Variants in LRRC4C observed in about 807,000 individuals in gnomAD.
The protein encoded by LRRC4C is leucine-rich repeat-containing protein 4C.
A neutral mutation model predicts 33.6 loss-of-function variants in LRRC4C; 5 were observed. The ratio of observed to expected loss-of-function variants is 0.15; its 90% CI spans 0.08 to 0.31. LRRC4C has a LOEUF of 0.31. Ranked by LOEUF, LRRC4C falls within the 10% of genes least tolerant of loss-of-function variation. LRRC4C has a pLI of 1.00. For missense variants in LRRC4C, 560 were observed against 796.7 expected, an observed-to-expected ratio of 0.70 and a Z score of 3.58; for synonymous variants, 329 against 302.0, an observed-to-expected ratio of 1.09 and a Z score of -0.93.
chr11:40,301,171 TTAAAG>T (rs760464601), intron 4 of LRRC4C, among the ~76,000 whole-genome samples: 1 of 152,212 alleles, frequency 6.6e-6, no homozygotes, highest in Non-Finnish European at 1.5e-5. Flanking sequence ...GAGGAGTGAC[TTAAAG>T]TAATAAGAAG....
chr11:40,872,277 T>C (rs1954687990), intron 2 of LRRC4C, among the ~76,000 whole-genome samples: 1 of 150,688 alleles, frequency 6.6e-6, no homozygotes, highest in Admixed American at 6.6e-5. Flanking sequence ...GCTCTCAAAA[T>C]AGTCCTGGCT....
intron 2 of LRRC4C, among the ~76,000 whole-genome samples, chr11:40,824,854 A>G (rs562892657): frequency 6.6e-6 from 1 of 152,092 alleles, no homozygotes; most frequent in South Asian, 2.1e-4. Flanking sequence ...GAGAACAAGT[A>G]AAGATAATTA....
chr11:41,141,154 G>A (rs980168088), intron 1 of LRRC4C, among the ~76,000 whole-genome samples: 1 of 152,070 alleles, frequency 6.6e-6, no homozygotes, highest in Admixed American at 6.5e-5. Flanking sequence ...TTATATAAAT[G>A]TTGATTGAGA....
At chr11:40,754,792 T>G (rs544979764) in intron 2 of LRRC4C, among the ~76,000 whole-genome samples, 1 of 152,266 alleles carries the variant, frequency 6.6e-6, no homozygotes, top group African/African-American at 2.4e-5. Flanking sequence ...AGTTAGCTAA[T>G]GGTTTATCAT....
intron 1 of LRRC4C, among the ~76,000 whole-genome samples, chr11:41,040,887 T>C (rs1184483205): frequency 1.3e-5 from 2 of 152,212 alleles, no homozygotes; most frequent in African/African-American, 4.8e-5. Flanking sequence ...AGTTTAAGAC[T>C]TTTTTGTTTG....
intron 2 of LRRC4C, among the ~76,000 whole-genome samples, chr11:40,698,900 CT>C (rs1210846465): frequency 6.6e-6 from 1 of 152,142 alleles, no homozygotes; most frequent in Non-Finnish European, 1.5e-5. Flanking sequence ...GAAACCGCCC[CT>C]ATGACTCAAT....
At chr11:40,132,927 A>G (rs1431516062) in intron 6 of LRRC4C, among the ~76,000 whole-genome samples, 1 of 152,244 alleles carries the variant, frequency 6.6e-6, no homozygotes, top group Non-Finnish European at 1.5e-5. Flanking sequence ...TAATCAAAAT[A>G]TGTAGAAAAT....
At chr11:40,798,946 A>C (rs1405078153) in intron 2 of LRRC4C, among the ~76,000 whole-genome samples, 2 of 152,116 alleles carry the variant, frequency 1.3e-5, no homozygotes, top group Non-Finnish European at 2.9e-5. Context: ...GCTCTGCTGT[A>C]TTATAAGTTT....
chr11:40,506,056 T>C (rs1955019751), intron 3 of LRRC4C, among the ~76,000 whole-genome samples: 1 of 152,176 alleles, frequency 6.6e-6, no homozygotes, highest in African/African-American at 2.4e-5. Context: ...AACTTTCAGA[T>C]CTTAAACTAC....
chr11:41,221,373 AT>A (rs1242682387), intron 1 of LRRC4C, among the ~76,000 whole-genome samples: 5 of 152,190 alleles, frequency 3.3e-5, no homozygotes, highest in African/African-American at 1.2e-4. Flanking sequence ...ACCAGTCAGA[AT>A]GGCTATTATT....
intron 2 of LRRC4C, among the ~76,000 whole-genome samples, chr11:40,841,261 G>C (rs1377033117): frequency 6.6e-6 from 1 of 152,168 alleles, no homozygotes; most frequent in Admixed American, 6.5e-5. Flanking sequence ...TCATGGTTCA[G>C]TTTATGTAGT....
chr11:40,739,656 G>A (rs184371150), intron 2 of LRRC4C, among the ~76,000 whole-genome samples: 244 of 152,120 alleles, frequency 1.6e-3, no homozygotes, highest in Middle Eastern at 0.01. Context: ...CCCCCATGCT[G>A]TTCTTGTGAT....
intron 2 of LRRC4C, among the ~76,000 whole-genome samples, chr11:40,821,637 G>A (rs1951933103): frequency 6.6e-6 from 1 of 151,164 alleles, no homozygotes; most frequent in African/African-American, 2.4e-5. Flanking sequence ...CATTACCATG[G>A]AATGTTTGTA....
intron 3 of LRRC4C, among the ~76,000 whole-genome samples, chr11:40,326,289 C>T (rs529634409): frequency 2.0e-4 from 30 of 152,208 alleles, no homozygotes; most frequent in Admixed American, 1.1e-3. Context: ...TCTGGCCAGG[C>T]GCAGTGGCTC....
intron 2 of LRRC4C, among the ~76,000 whole-genome samples, chr11:40,887,479 T>G (rs918530361): frequency 6.6e-6 from 1 of 152,000 alleles, no homozygotes; most frequent in Non-Finnish European, 1.5e-5. Flanking sequence ...TAAATTCCAG[T>G]TTATGGGAAA....
chr11:41,206,437 C>T (rs1946605014), intron 1 of LRRC4C, among the ~76,000 whole-genome samples: 2 of 151,994 alleles, frequency 1.3e-5, no homozygotes, highest in East Asian at 1.9e-4. Context: ...CTACAAAAAG[C>T]CTCCTTCATT....
intron 1 of LRRC4C, among the ~76,000 whole-genome samples, chr11:41,233,536 A>G (rs1223040470): frequency 2.0e-5 from 3 of 152,180 alleles, no homozygotes; most frequent in East Asian, 1.9e-4. Context: ...ACTGCATCAC[A>G]TAAAAACGCC....
chr11:40,872,245 T>G (rs1954686323), intron 2 of LRRC4C, among the ~76,000 whole-genome samples: 1 of 151,878 alleles, frequency 6.6e-6, no homozygotes, highest in African/African-American at 2.4e-5. Flanking sequence ...ACTCTGATAT[T>G]GGAGATCCAG....
intron 2 of LRRC4C, among the ~76,000 whole-genome samples, chr11:40,740,807 G>A (rs1948122400): frequency 6.6e-6 from 1 of 151,930 alleles, no homozygotes; most frequent in East Asian, 1.9e-4. Flanking sequence ...GCTGATTTTT[G>A]TATACGGTAT....
Sources: allele counts gnomAD v4.1 joint callset (sites outside exome capture counted in the v4.1 genomes callset), GRCh38; gene constraint gnomAD v4.1.1; transcripts MANE v1.5; gene names NCBI Gene and HGNC (gene_info 2026-07-23, HGNC 2026-07-21).